Variants in PTGER4 observed in about 807,000 individuals in gnomAD.
PTGER4 encodes prostaglandin E receptor 4, also known as prostaglandin E2 receptor EP4 subtype.
PTGER4 carries 11 observed loss-of-function variants against 33.2 expected under a neutral mutation model. The ratio of observed to expected loss-of-function variants is 0.33; its 90% confidence interval spans 0.21 to 0.55. The LOEUF is 0.55. PTGER4 is among the 20% of genes least tolerant of loss of function. The pLI is 0.92. For missense variants in PTGER4, 481 were observed against 650.2 expected (o/e 0.74, Z 2.83); for synonymous variants, 275 against 281.5 (o/e 0.98, Z 0.23).
chr5:40,681,680 C>T lies in PTGER4; in HGVS notation c.687C>T (p.His229=). The T allele has an allele frequency of 1.3e-6, 2 of 1,569,558 alleles. No individual in the cohort carries two copies. The highest frequency in any genetic ancestry group is 1.8e-5 in the Admixed American group (1 of 54,416). The stretch of plus-strand genomic sequence containing the variant: ...CCTCGCTGGGCACCGAGCAGCACCA[C>T]GCGGCCGCGGCCGCCTCGGTTGCCT... ...RRTSLGTEQH[H]AAAAASVASR... is the part of the protein sequence containing the mutation. Residue 229 remains histidine (H), a synonymous_variant, in exon 2 of 3, where the codon CAC becomes CAT. Transcript: ENST00000302472. This position sits in a 1 kb window ranked among gnomAD's most constrained non-coding sequence, Gnocchi z 9.8.
chr5:40,693,335 C>T lies in PTGER4; in HGVS notation c.*957C>T. ...ATATAAAAAATTTTAAAAATCTAAG[C>T]AGCTTATTGTTTCTCTGAAAGTGTG... On this transcript the variant is annotated 3_prime_UTR_variant, in exon 3 of 3. Transcript: ENST00000302472. The T allele has an allele frequency of 1.0e-6, 1 of 981,440 alleles. No homozygotes were observed. The highest frequency in any genetic ancestry group is 1.2e-6 in the Non-Finnish European group (1 of 826,106). The allele number at this position is 981,440 out of a possible 1,614,324, so 60.8% of individuals were successfully genotyped here.
the PTGER4 span, among the ~76,000 whole-genome samples, chr5:40,702,465 C>T: frequency 6.6e-6 from 1 of 152,236 alleles, no homozygotes; most frequent in Non-Finnish European, 1.5e-5. Context: ...GAAGACCTAA[C>T]TGTCCTAAAT....
the PTGER4 span, among the ~76,000 whole-genome samples, chr5:40,707,302 C>G: frequency 6.6e-6 from 1 of 152,086 alleles, no homozygotes; most frequent in Non-Finnish European, 1.5e-5. Context: ...CGTGCAGAGA[C>G]ACACATAGGC....
chr5:40,695,470 C>CGGGAGGCGGGGGTTGCA (rs1561133382), downstream of PTGER4, among the ~76,000 whole-genome samples: 1 of 152,016 alleles, frequency 6.6e-6, no homozygotes, highest in Non-Finnish European at 1.5e-5. Context: ...CGTTTAAACC[C>CGGGAGGCGGGGGTTGCA]GGGAGGCGGG....
the PTGER4 span, among the ~76,000 whole-genome samples, chr5:40,741,645 G>T: frequency 6.6e-6 from 1 of 152,106 alleles, no homozygotes; most frequent in African/African-American, 2.4e-5. Context: ...TGGTCTATCT[G>T]GTTTCCTCTT....
At position 40,693,276 on chromosome 5, in the gene PTGER4, G is replaced by A; in HGVS notation, c.*898G>A. 2.0e-6 allele frequency: 2 copies of A among 976,510 alleles called. No individual in the cohort carries two copies. Among genetic ancestry groups the A allele is most frequent in the Non-Finnish European group, 2.4e-6 (2 of 821,658 alleles). The allele number at this position is 976,510 out of a possible 1,614,324, so 60.5% of individuals were successfully genotyped here. On this transcript the variant is annotated 3_prime_UTR_variant, in exon 3 of 3. Transcript: ENST00000302472. ...AAAAACATAACATAAATTTTTTGAA[G>A]TCTTTAATAAATAACCCATAATTGA...
chr5:40,716,237 T>C, the PTGER4 span: 28 of 1,614,186 alleles, frequency 1.7e-5, no homozygotes, highest in African/African-American at 3.7e-4. Flanking sequence ...GCAGACACAA[T>C]AACCATTGTT....
At chr5:40,682,497 T>C (rs537456805) in intron 2 of PTGER4, among the ~76,000 whole-genome samples, 103 of 152,280 alleles carry the variant, frequency 6.8e-4, no homozygotes, top group Middle Eastern at 3.4e-3. Flanking sequence ...GGCTCCCTGC[T>C]CTTTACCATG....
At chr5:40,705,019 C>T in the PTGER4 span, among the ~76,000 whole-genome samples, 1 of 151,966 alleles carries the variant, frequency 6.6e-6, no homozygotes, top group African/African-American at 2.4e-5. Flanking sequence ...ATAGCCAAGG[C>T]AATCCTAAGC....
the PTGER4 span, among the ~76,000 whole-genome samples, chr5:40,712,976 T>A: frequency 6.6e-6 from 1 of 152,168 alleles, no homozygotes; most frequent in Non-Finnish European, 1.5e-5. Flanking sequence ...CTCCTTTATT[T>A]CATTTTATTT....
At chr5:40,713,543 T>C in the PTGER4 span, among the ~76,000 whole-genome samples, 3,594 of 152,246 alleles carry the variant, frequency 0.024, 48 homozygotes, top group East Asian at 0.064. Flanking sequence ...GCATGGCTTT[T>C]CAATGTTTAT....
intron 2 of PTGER4, among the ~76,000 whole-genome samples, chr5:40,687,997 G>A (rs1262524893): frequency 1.3e-5 from 2 of 152,152 alleles, no homozygotes; most frequent in Admixed American, 6.5e-5. Flanking sequence ...CATCACCTTT[G>A]ATTATGAAAA....
the PTGER4 span, among the ~76,000 whole-genome samples, chr5:40,742,891 G>A: frequency 6.6e-6 from 1 of 152,124 alleles, no homozygotes; most frequent in Non-Finnish European, 1.5e-5. Context: ...ATGGTAGCTA[G>A]CTTATAAAAA....
At chr5:40,704,414 A>G in the PTGER4 span, among the ~76,000 whole-genome samples, 1 of 152,232 alleles carries the variant, frequency 6.6e-6, no homozygotes, top group African/African-American at 2.4e-5. Flanking sequence ...ATTCCCCTCG[A>G]AAACTGGCTC....
chr5:40,738,608 A>AT, the PTGER4 span, among the ~76,000 whole-genome samples: 3 of 150,578 alleles, frequency 2.0e-5, no homozygotes, highest in African/African-American at 2.4e-5. Context: ...ATAAAATAAA[A>AT]AAGTGAAACA....
chr5:40,716,795 T>C, the PTGER4 span, among the ~76,000 whole-genome samples: 1 of 152,178 alleles, frequency 6.6e-6, no homozygotes, highest in African/African-American at 2.4e-5. Flanking sequence ...AGTAGACCAG[T>C]AAGTATGTAC....
the PTGER4 span, among the ~76,000 whole-genome samples, chr5:40,707,148 CATA>C: frequency 6.6e-6 from 1 of 152,190 alleles, no homozygotes; most frequent in Middle Eastern, 3.2e-3. Context: ...CAGCTCACAT[CATA>C]ATGACAGGAT....
chr5:40,683,945 G>A lies in PTGER4; in HGVS notation c.867+2085G>A, dbSNP rs1385301025. Among the ~76,000 whole-genome samples, 2 of 152,148 alleles carry A rather than the reference G, an allele frequency of 1.3e-5. No individual in the cohort carries two copies. Among genetic ancestry groups the A allele is most frequent in the Non-Finnish European group, 2.9e-5 (2 of 68,030 alleles). ...AATCTTGACCTGAAAATTGAAACTA[G>A]CTCAATTAAGAAGTAATCCCATTAG... On this transcript the variant is annotated intron_variant, in intron 2 of 2. Transcript: ENST00000302472. This position sits in a 1 kb window ranked among gnomAD's most constrained non-coding sequence, Gnocchi z 4.2.
At position 40,693,553 on chromosome 5, in the gene PTGER4, A is replaced by G. The variant is rs965339225; in HGVS notation, c.*1175A>G. 2 of 985,796 alleles carry G rather than the reference A, an allele frequency of 2.0e-6. No individual in the cohort carries two copies. The highest frequency in any genetic ancestry group is 3.5e-5 in the African/African-American group (2 of 57,248). The allele number at this position is 985,796 out of a possible 1,614,324, so 61.1% of individuals were successfully genotyped here. Reference sequence around the variant, plus strand: ...CTTGTAACAGTTTTGTGTAACTCCCAGTGATGCTGTACACATATTTGAAGG... The same window carrying G: ...CTTGTAACAGTTTTGTGTAACTCCCGGTGATGCTGTACACATATTTGAAGG... On this transcript the variant is annotated 3_prime_UTR_variant, in exon 3 of 3. Transcript: ENST00000302472.
Sources: gnomAD v4.1 joint callset for allele counts (sites outside exome capture counted in the v4.1 genomes callset) on GRCh38, gnomAD v4.1.1 for gene constraint, Gnocchi (gnomAD v3.1) non-coding constraint, MANE v1.5 for transcripts, NCBI Gene and HGNC (gene_info 2026-07-23, HGNC 2026-07-21) for gene names.